The following PRIM1 variants were observed in gnomAD, a reference collection of about 807,000 sequenced individuals.
PRIM1 encodes DNA primase small subunit.
Under a neutral mutation model 60.2 loss-of-function variants are expected in PRIM1, and 38 were observed. That is an observed-to-expected ratio of 0.63 (90% CI 0.49 to 0.83). The LOEUF is 0.83. Among genes scored for constraint, PRIM1 ranks in the 40% least tolerant of loss-of-function variants. PRIM1 has a pLI of 0.00. For missense variants in PRIM1, 388 were observed against 506.2 expected, an observed-to-expected ratio of 0.77 and a Z score of 2.24; for synonymous variants, 158 against 160.2, an observed-to-expected ratio of 0.99 and a Z score of 0.10.
chr12:56,744,250 A>G, intron 5 of PRIM1, 127 bp from the exon 6 acceptor site: 1 of 635,618 alleles, frequency 1.6e-6, no homozygotes, highest in South Asian at 2.2e-5. Context: ...CACACCTGTA[A>G]TCCCAGCATT....
chr12:56,745,978 T>TAA, intron 5 of PRIM1, 67 bp downstream of exon 5: 2 of 1,421,260 alleles, frequency 1.4e-6, no homozygotes, highest in Non-Finnish European at 1.9e-6. Flanking sequence ...TCTTTGACAG[T>TAA]AAACATATCA....
At chr12:56,732,846 T>A (rs1234781973) in intron 12 of PRIM1, among the ~76,000 whole-genome samples, 1 of 151,876 alleles carries the variant, frequency 6.6e-6, no homozygotes, top group East Asian at 1.9e-4. Context: ...ATATTGGCAT[T>A]AGGGATTAGA....
At chr12:56,741,612 A>G (rs1289034213) in intron 8 of PRIM1, 36 bp from the exon 9 acceptor site, 3 of 1,597,534 alleles carry the variant, frequency 1.9e-6, no homozygotes, top group Non-Finnish European at 8.5e-7. Context: ...GAGGATCAGT[A>G]GGAACTGTTG....
At position 56,739,377 on chromosome 12, in the gene PRIM1, A is replaced by G; in HGVS notation, c.983-14T>C. 1 of 1,522,502 alleles carries G rather than the reference A, an allele frequency of 6.6e-7. No individual in the cohort carries two copies. The highest frequency in any genetic ancestry group is 1.2e-5 in the South Asian group (1 of 81,220). The allele number at this position is 1,522,502 out of a possible 1,614,324, so 94.3% of individuals were successfully genotyped here. On this transcript the variant is annotated splice_polypyrimidine_tract_variant and intron_variant, in intron 9 of 12. Coordinates refer to ENST00000338193, the MANE Select transcript of PRIM1 (RefSeq NM_000946.3). ...CAGATATGCGACCTGTAAGACACAAAAGTTATAAACTGATGATTGTGGACT... is the reference window on the plus strand; with the variant it reads ...CAGATATGCGACCTGTAAGACACAAGAGTTATAAACTGATGATTGTGGACT...
intron 11 of PRIM1, among the ~76,000 whole-genome samples, chr12:56,736,141 T>G (rs1400735021): frequency 6.7e-6 from 1 of 149,600 alleles, no homozygotes; most frequent in Non-Finnish European, 1.5e-5. Context: ...CTAGTAAAAA[T>G]ACAAAAATTA....
chr12:56,746,414 C>G (rs575380703), intron 4 of PRIM1: 3 of 649,822 alleles, frequency 4.6e-6, no homozygotes, highest in Non-Finnish European at 8.4e-6. Context: ...GGGCAGATCA[C>G]GAGGTCAGGA....
rs760694002 is a variant in PRIM1 at position 56,741,553 on chromosome 12, A to G, written c.864T>C (p.Tyr288=). The G allele has an allele frequency of 1.6e-5, 26 of 1,612,256 alleles. 1 individual carries two copies. The South Asian group carries it at 2.8e-4, about 17-fold the overall frequency. ...RYQNNIKNDK[Y]GPWLEWEIML... ...TAATCTCCCACTCCAGCCAGGGTCC[A>G]TATTTGTCATTTTTGATGTTATTCT... The change falls in exon 9 of 13, where the codon TAT becomes TAC. Residue 288 remains tyrosine (Y), a synonymous_variant. Coordinates refer to ENST00000338193, the MANE Select transcript of PRIM1 (RefSeq NM_000946.3).
At chr12:56,752,087 G>C (rs935132379) in intron 1 of PRIM1, 109 bp downstream of exon 1, 2 of 653,618 alleles carry the variant, frequency 3.1e-6, no homozygotes, top group African/African-American at 3.8e-5. Flanking sequence ...ATGAAGGCGC[G>C]CGGCACAAAG....
At position 56,751,039 on chromosome 12, in the gene PRIM1, CTG is replaced by C; in HGVS notation, c.258_259del (p.His86GlnfsTer23). ...ATATATTAAAAAAAGATTTCTTACT[CTG>C]TGAGAATATACTGCGCCTATATCAA... On this transcript the variant is annotated frameshift_variant and splice_region_variant, in exon 2 of 13. Coordinates refer to ENST00000338193, the MANE Select transcript of PRIM1 (RefSeq NM_000946.3). LOFTEE classifies it high-confidence loss of function. The C allele has an allele frequency of 2.7e-6, 4 of 1,468,102 alleles. No homozygotes were observed. Among genetic ancestry groups the C allele is most frequent in the Non-Finnish European group, 3.6e-6 (4 of 1,103,648 alleles). 90.9% of individuals were successfully genotyped at this position (1,468,102 alleles called of 1,614,324 possible).
At chr12:56,739,704 G>A (rs1953858099) in intron 9 of PRIM1, among the ~76,000 whole-genome samples, 2 of 152,196 alleles carry the variant, frequency 1.3e-5, no homozygotes, top group South Asian at 4.2e-4. Context: ...TCCTGGCCTG[G>A]CCAGTTTTTC....
intron 11 of PRIM1, among the ~76,000 whole-genome samples, chr12:56,737,372 G>A (rs1416095973): frequency 2.0e-5 from 3 of 150,258 alleles, no homozygotes; most frequent in East Asian, 2.0e-4. Context: ...TTTTTGAGAC[G>A]GAGTTTTGCT....
At chr12:56,733,516 A>T (rs994896089) in intron 12 of PRIM1, among the ~76,000 whole-genome samples, 17 of 147,484 alleles carry the variant, frequency 1.2e-4, no homozygotes, top group African/African-American at 4.0e-4. Flanking sequence ...CACCATTTTC[A>T]TATGAAATCT....
chr12:56,747,143 A>T, intron 2 of PRIM1, 111 bp from the exon 3 acceptor site: 1 of 776,974 alleles, frequency 1.3e-6, no homozygotes, highest in Non-Finnish European at 2.1e-6. Flanking sequence ...GAGACTATAT[A>T]ATGCCAACTT....
At chr12:56,752,144 G>C in intron 1 of PRIM1, 52 bp downstream of exon 1, 1 of 1,331,388 alleles carries the variant, frequency 7.5e-7, no homozygotes, top group Non-Finnish European at 1.1e-6. Context: ...AGGACACCCC[G>C]CCTCCAACCT....
At chr12:56,747,930 T>C (rs752003712) in intron 2 of PRIM1, among the ~76,000 whole-genome samples, 3 of 152,058 alleles carry the variant, frequency 2.0e-5, no homozygotes, top group South Asian at 2.1e-4. Context: ...CCAGGTATTG[T>C]TGGAATGAGT....
At chr12:56,741,897 A>C in intron 7 of PRIM1, 60 bp from the exon 8 acceptor site, 1 of 1,378,216 alleles carries the variant, frequency 7.3e-7, no homozygotes, top group Non-Finnish European at 1.0e-6. Flanking sequence ...TTTAGTTTTA[A>C]GTATGTATTA....
intron 1 of PRIM1, chr12:56,751,583 G>C (rs1440054314): frequency 1.3e-5 from 2 of 155,822 alleles, no homozygotes; most frequent in Non-Finnish European, 2.8e-5. Flanking sequence ...ACGGCACTCG[G>C]CCCGAGAAGA....
At chr12:56,732,203 A>C (rs927232907) in intron 12 of PRIM1, among the ~76,000 whole-genome samples, 3 of 152,094 alleles carry the variant, frequency 2.0e-5, no homozygotes, top group Non-Finnish European at 4.4e-5. Context: ...TCCCATTTAG[A>C]GTACCCTTCA....
chr12:56,733,810 C>T (rs769457610), intron 12 of PRIM1, among the ~76,000 whole-genome samples: 3 of 151,094 alleles, frequency 2.0e-5, no homozygotes, highest in Admixed American at 6.6e-5. Context: ...AGGCTGGTCT[C>T]GAACTCCTGA....
Sources: allele counts gnomAD v4.1 joint callset (sites outside exome capture counted in the v4.1 genomes callset), GRCh38; gene constraint gnomAD v4.1.1; transcripts MANE v1.5; gene names NCBI Gene and HGNC (gene_info 2026-07-23, HGNC 2026-07-21).